Variants in DLG2 observed in about 807,000 individuals in gnomAD.
DLG2 encodes the protein disks large homolog 2.
Under a neutral mutation model 132.5 loss-of-function variants are expected in DLG2, and 45 were observed. The ratio of observed to expected loss-of-function variants is 0.34; its 90% CI spans 0.27 to 0.44. DLG2 has a LOEUF of 0.44. Among genes scored for constraint, DLG2 ranks in the 20% least tolerant of loss-of-function variants. DLG2 has a pLI of 1.00. For synonymous variants in DLG2, 424 were observed against 419.6 expected (o/e 1.01, Z -0.13); for missense variants, 1,045 against 1,196.9 (o/e 0.87, Z 1.87).
At chr11:84,169,895 C>T (rs1379864861) in intron 8 of DLG2, among the ~76,000 whole-genome samples, 2 of 151,130 alleles carry the variant, frequency 1.3e-5, no homozygotes, top group African/African-American at 4.9e-5. Context: ...AAAATCTCAA[C>T]TAAACTTTCT....
chr11:84,868,431 AAAAC>A (rs1428284566), intron 6 of DLG2, among the ~76,000 whole-genome samples: 16 of 152,308 alleles, frequency 1.1e-4, no homozygotes, highest in Non-Finnish European at 8.8e-5. Flanking sequence ...AGATAGTTCC[AAAAC>A]AAACAAACTG....
intron 19 of DLG2, among the ~76,000 whole-genome samples, chr11:83,601,753 G>C (rs117381740): frequency 6.6e-6 from 1 of 151,728 alleles, no homozygotes; most frequent in African/African-American, 2.4e-5. Context: ...GAACTCCTGG[G>C]CTCAAGTGAT....
intron 6 of DLG2, among the ~76,000 whole-genome samples, chr11:84,577,950 C>T (rs1262813098): frequency 1.3e-5 from 2 of 152,112 alleles, no homozygotes; most frequent in Non-Finnish European, 2.9e-5. Flanking sequence ...GATTTGGTGC[C>T]CTGTGTCCCT....
intron 7 of DLG2, among the ~76,000 whole-genome samples, chr11:84,308,084 G>A (rs1180823931): frequency 6.6e-6 from 1 of 152,160 alleles, no homozygotes; most frequent in Non-Finnish European, 1.5e-5. Flanking sequence ...ACCCCAGCAG[G>A]TTGCCACTGC....
chr11:83,501,280 AT>A (rs2094442468), intron 21 of DLG2, among the ~76,000 whole-genome samples: 1 of 150,568 alleles, frequency 6.6e-6, no homozygotes, highest in Non-Finnish European at 1.5e-5. Flanking sequence ...CCCTCACAAT[AT>A]GGCTGTCAGC....
intron 6 of DLG2, among the ~76,000 whole-genome samples, chr11:84,622,998 A>G (rs1049128716): frequency 6.6e-6 from 1 of 152,066 alleles, no homozygotes; most frequent in Non-Finnish European, 1.5e-5. Flanking sequence ...ATAGCCTCCA[A>G]TCTAGTGCAG....
chr11:84,996,667 GT>G (rs773513281), intron 6 of DLG2, among the ~76,000 whole-genome samples: 4 of 152,086 alleles, frequency 2.6e-5, no homozygotes, highest in Non-Finnish European at 4.4e-5. Flanking sequence ...ATGTGGGGTA[GT>G]TTTTTTGGCA....
At chr11:85,563,722 A>C (rs2077381971) in intron 3 of DLG2, among the ~76,000 whole-genome samples, 1 of 147,342 alleles carries the variant, frequency 6.8e-6, no homozygotes, top group Admixed American at 6.8e-5. Context: ...CTGTTCACCA[A>C]GCCATGGACA....
chr11:85,176,237 A>C (rs1272518265), intron 4 of DLG2, among the ~76,000 whole-genome samples: 2 of 152,150 alleles, frequency 1.3e-5, no homozygotes, highest in East Asian at 1.9e-4. Context: ...CAACAACCAA[A>C]ACAGCATGGT....
chr11:85,459,435 A>G (rs1404847916), intron 3 of DLG2, among the ~76,000 whole-genome samples: 1 of 152,168 alleles, frequency 6.6e-6, no homozygotes, highest in Non-Finnish European at 1.5e-5. Flanking sequence ...TCCCCAGACC[A>G]AGGGTAGCAG....
chr11:85,041,208 T>G (rs117882845), intron 6 of DLG2, among the ~76,000 whole-genome samples: 211 of 152,026 alleles, frequency 1.4e-3, no homozygotes, highest in Non-Finnish European at 2.1e-3. Context: ...ATGGGTATAA[T>G]AGCAGTGCAG....
chr11:84,429,996 G>A (rs2098979149), intron 7 of DLG2, among the ~76,000 whole-genome samples: 1 of 152,182 alleles, frequency 6.6e-6, no homozygotes. Context: ...CCATCCAACT[G>A]AAGGTAGGTT....
intron 3 of DLG2, among the ~76,000 whole-genome samples, chr11:85,572,662 T>G (rs1427796801): frequency 6.6e-6 from 1 of 152,214 alleles, no homozygotes; most frequent in Non-Finnish European, 1.5e-5. Context: ...CACAATTTTC[T>G]TTGTAAGAAA....
At chr11:84,857,439 T>C (rs1330048200) in intron 6 of DLG2, among the ~76,000 whole-genome samples, 1 of 151,786 alleles carries the variant, frequency 6.6e-6, no homozygotes, top group Non-Finnish European at 1.5e-5. Context: ...TTTTTTTTAA[T>C]GAGCTGGAAA....
At chr11:85,622,078 C>A (rs2081744477) in intron 2 of DLG2, among the ~76,000 whole-genome samples, 1 of 152,212 alleles carries the variant, frequency 6.6e-6, no homozygotes, top group African/African-American at 2.4e-5. Context: ...AACAACGAAG[C>A]AAGATCTTCC....
rs73524932 is a variant in DLG2 at position 83,904,738 on chromosome 11, A to C, written c.1496+25590T>G. 4.4e-3 allele frequency among the ~76,000 whole-genome samples: 668 copies of C among 152,074 alleles called. 7 individuals are homozygous for C. Among genetic ancestry groups the C allele is most frequent in the African/African-American group, 0.015 (608 of 41,500 alleles). ...AGACCAGGCAGGATTACTGTTCCTA[A>C]TAAAAGATTCAAGTTCCCTACACTT... is the stretch of plus-strand genomic sequence containing the variant. On this transcript the variant is annotated intron_variant, in intron 15 of 27. Transcript: ENST00000376104.
At position 83,871,641 on chromosome 11, in the gene DLG2, C is replaced by CAGTGATTATGTGCCAT. The variant is rs1464275943; in HGVS notation, c.1565+2778_1565+2779insATGGCACATAATCACT. On this transcript the variant is annotated intron_variant, in intron 16 of 27. Transcript: ENST00000376104. ...AAAAATAACTTTCCCACTATGTGCACGTTATCTCTTCATCTGACAACCAGC... is the reference window on the plus strand; with the variant it reads ...AAAAATAACTTTCCCACTATGTGCACAGTGATTATGTGCCATGTTATCTCTTCATCTGACAACCAGC... 1.4e-4 allele frequency among the ~76,000 whole-genome samples: 21 copies of CAGTGATTATGTGCCAT among 152,326 alleles called. No homozygotes were observed. The East Asian group carries it at 3.5e-3, about 25-fold the overall frequency.
At chr11:85,575,150 CAAA>C (rs201767866) in intron 3 of DLG2, among the ~76,000 whole-genome samples, 1 of 128,334 alleles carries the variant, frequency 7.8e-6, no homozygotes, top group African/African-American at 2.9e-5. Context: ...ACCTCATTCA[CAAA>C]AAAAAAAAAA....
chr11:85,209,339 G>C (rs1017286464), intron 4 of DLG2, among the ~76,000 whole-genome samples: 1 of 151,634 alleles, frequency 6.6e-6, no homozygotes, highest in African/African-American at 2.4e-5. Context: ...TCTTGTACTA[G>C]GGCTGGTACA....
Sources: allele counts gnomAD v4.1 joint callset (sites outside exome capture counted in the v4.1 genomes callset), GRCh38; gene constraint gnomAD v4.1.1; transcripts MANE v1.5; gene names NCBI Gene and HGNC (gene_info 2026-07-23, HGNC 2026-07-21).